Variants in SLA observed in about 807,000 individuals in gnomAD.
The protein encoded by SLA is src-like-adapter.
In SLA, 16 loss-of-function variants were observed where a neutral mutation model predicts 30.3. That is an observed-to-expected ratio of 0.53 (90% CI 0.36 to 0.80). The LOEUF is 0.80. Among genes scored for constraint, SLA ranks in the 30% least tolerant of loss-of-function variants. The probability of loss-of-function intolerance (pLI) is 0.01; values close to 1 mark genes in which losing one functional copy is unlikely to be tolerated. For missense variants in SLA, 310 were observed against 345.2 expected, an observed-to-expected ratio of 0.90 and a Z score of 0.81; for synonymous variants, 143 against 137.8, an observed-to-expected ratio of 1.04 and a Z score of -0.26.
chr8:133,096,827 G>C (rs1848489705), intron 1 of SLA, among the ~76,000 whole-genome samples: 1 of 152,212 alleles, frequency 6.6e-6, no homozygotes, highest in African/African-American at 2.4e-5. Flanking sequence ...CTAGTAAAGA[G>C]AGCACGCACA....
chr8:133,094,073 G>A (rs1410006946), intron 1 of SLA, among the ~76,000 whole-genome samples: 2 of 152,030 alleles, frequency 1.3e-5, no homozygotes, highest in African/African-American at 4.8e-5. Flanking sequence ...GCTACGGGGA[G>A]CCCCATAGCG....
At chr8:133,040,406 T>C in intron 7 of SLA, 1 of 398,826 alleles carries the variant, frequency 2.5e-6, no homozygotes, top group East Asian at 4.1e-5. Flanking sequence ...TGGGTTTGAA[T>C]TTTAGCTTTA....
Position 133,102,569 on chromosome 8 carries a change from C to G in SLA, c.-335G>C. On this transcript the variant is annotated 5_prime_UTR_variant, in exon 1 of 9. Transcript: ENST00000338087. The stretch of plus-strand genomic sequence containing the variant: ...GCAACCTACCGGTGGAGCATCAGGG[C>G]TGCCTGAGATGTTCTCCATTCGCAG... 3 of 1,551,572 alleles carry G rather than the reference C, an allele frequency of 1.9e-6. No individual in the cohort carries two copies. The highest frequency in any genetic ancestry group is 2.6e-6 in the Non-Finnish European group (3 of 1,146,836).
chr8:133,081,599 T>G (rs1564165818), intron 1 of SLA, among the ~76,000 whole-genome samples: 2 of 151,060 alleles, frequency 1.3e-5, no homozygotes, highest in South Asian at 2.1e-4. Flanking sequence ...AAAAAAAAAG[T>G]AGCCGCTTTA....
chr8:133,076,319 C>G (rs1480577192), intron 1 of SLA, among the ~76,000 whole-genome samples: 1 of 152,174 alleles, frequency 6.6e-6, no homozygotes, highest in Non-Finnish European at 1.5e-5. Flanking sequence ...ACACAGCCAC[C>G]CTGGGACAGT....
chr8:133,078,540 A>G (rs953881405), intron 1 of SLA, among the ~76,000 whole-genome samples: 30 of 152,146 alleles, frequency 2.0e-4, no homozygotes, highest in African/African-American at 6.3e-4. Flanking sequence ...GAATATTGTC[A>G]TTTATTCAAG....
At chr8:133,059,621 T>C (rs537340516) in intron 3 of SLA, among the ~76,000 whole-genome samples, 1 of 152,180 alleles carries the variant, frequency 6.6e-6, no homozygotes, top group East Asian at 1.9e-4. Flanking sequence ...TTCAGGAAGA[T>C]GTCACAGGAT....
Position 133,050,509 on chromosome 8 carries a change from A to G in SLA, c.161+307T>C, listed in dbSNP as rs544165126. ...CTGCCTTCCCGGTCTTCATTCCTAC[A>G]TAACATCAACACTGCACATGTGGTG... On this transcript the variant is annotated intron_variant, in intron 4 of 8. Coordinates refer to ENST00000338087, the MANE Select transcript of SLA (RefSeq NM_001045556.3). The G allele has an allele frequency of 1.6e-5, 5 of 304,124 alleles. No homozygotes were observed. In the South Asian group the frequency reaches 2.7e-4, roughly 17 times the overall value. The allele number at this position is 304,124 out of a possible 1,614,324, so 18.8% of individuals were successfully genotyped here. A position where few individuals can be genotyped will look rare whatever the true frequency, so the allele number is the denominator to read the frequency against.
intron 3 of SLA, among the ~76,000 whole-genome samples, chr8:133,056,690 G>T (rs1053466650): frequency 6.6e-6 from 1 of 152,178 alleles, no homozygotes; most frequent in African/African-American, 2.4e-5. Context: ...TGTGAGAATC[G>T]AGTCTGCATA....
intron 1 of SLA, among the ~76,000 whole-genome samples, chr8:133,079,221 A>G (rs1357090898): frequency 6.6e-6 from 1 of 152,212 alleles, no homozygotes; most frequent in Admixed American, 6.5e-5. Flanking sequence ...TTAGGACTCA[A>G]AAAGACACCC....
At position 133,038,300 on chromosome 8, in the gene SLA, T is replaced by G. The variant is rs1837453541; in HGVS notation, c.*224A>C. 3 of 579,700 alleles carry G rather than the reference T, an allele frequency of 5.2e-6. No individual in the cohort carries two copies. Among genetic ancestry groups the G allele is most frequent in the East Asian group, 5.8e-5 (2 of 34,566 alleles). 35.9% of individuals were successfully genotyped at this position (579,700 alleles called of 1,614,324 possible). Reference sequence around the variant, plus strand: ...CCAAGCATCGCCCGACATGTCATGATCCAATGTTTCGTGATGCCACAGCCC... The same window carrying G: ...CCAAGCATCGCCCGACATGTCATGAGCCAATGTTTCGTGATGCCACAGCCC... On this transcript the variant is annotated 3_prime_UTR_variant, in exon 9 of 9. Transcript: ENST00000338087.
chr8:133,097,695 C>A (rs1848634222), intron 1 of SLA, among the ~76,000 whole-genome samples: 2 of 152,096 alleles, frequency 1.3e-5, no homozygotes, highest in Admixed American at 1.3e-4. Flanking sequence ...TCACAACATG[C>A]AATTAACATT....
chr8:133,088,755 C>T (rs1389576837), intron 1 of SLA, among the ~76,000 whole-genome samples: 1 of 152,108 alleles, frequency 6.6e-6, no homozygotes, highest in Non-Finnish European at 1.5e-5. Context: ...GTTTTGATGC[C>T]TTTTTTCCTA....
At chr8:133,067,703 G>T (rs879494387) in intron 2 of SLA, among the ~76,000 whole-genome samples, 16 of 152,150 alleles carry the variant, frequency 1.1e-4, no homozygotes, top group Admixed American at 8.5e-4. Flanking sequence ...TTGAACCCGT[G>T]AGGCAGAGGC....
At position 133,038,278 on chromosome 8, in the gene SLA, A is replaced by G. The variant is rs1179987147; in HGVS notation, c.*246T>C. Reference sequence around the variant, plus strand: ...CATACATACATGCTGGGCTCTTCCAAGCATCGCCCGACATGTCATGATCCA... The same window carrying G: ...CATACATACATGCTGGGCTCTTCCAGGCATCGCCCGACATGTCATGATCCA... On this transcript the variant is annotated 3_prime_UTR_variant, in exon 9 of 9. Coordinates refer to ENST00000338087, the MANE Select transcript of SLA (RefSeq NM_001045556.3). 1 of 544,030 alleles carries G rather than the reference A, an allele frequency of 1.8e-6. No homozygotes were observed. Among genetic ancestry groups the G allele is most frequent in the African/African-American group, 1.9e-5 (1 of 52,858 alleles). The allele number at this position is 544,030 out of a possible 1,614,324, so 33.7% of individuals were successfully genotyped here. A position where few individuals can be genotyped will look rare whatever the true frequency, so the allele number is the denominator to read the frequency against.
At chr8:133,067,882 G>A (rs1310899078) in intron 2 of SLA, among the ~76,000 whole-genome samples, 4 of 21,046 alleles carry the variant, frequency 1.9e-4, no homozygotes, top group Admixed American at 4.8e-4. Flanking sequence ...AAGGAAGGAA[G>A]GAAGTATGTA....
At chr8:133,082,434 C>T (rs1299490173) in intron 1 of SLA, among the ~76,000 whole-genome samples, 1 of 152,202 alleles carries the variant, frequency 6.6e-6, no homozygotes, top group Non-Finnish European at 1.5e-5. Flanking sequence ...TGCAAACTTT[C>T]TTAAGGCCTT....
intron 1 of SLA, chr8:133,096,508 G>T: frequency 9.0e-7 from 1 of 1,110,340 alleles, no homozygotes; most frequent in Non-Finnish European, 1.3e-6. Flanking sequence ...GTGAGTTTAG[G>T]AGGTGGTAAT....
At chr8:133,082,269 G>A (rs1311922411) in intron 1 of SLA, among the ~76,000 whole-genome samples, 1 of 152,154 alleles carries the variant, frequency 6.6e-6, no homozygotes, top group Non-Finnish European at 1.5e-5. Context: ...AGGCAGGAGT[G>A]TATCTGTTTG....
Sources: allele counts gnomAD v4.1 joint callset (sites outside exome capture counted in the v4.1 genomes callset), GRCh38; gene constraint gnomAD v4.1.1; transcripts MANE v1.5; gene names NCBI Gene and HGNC (gene_info 2026-07-23, HGNC 2026-07-21).